FASTK: variants seen among roughly 807,000 people sequenced by gnomAD.
The protein encoded by FASTK is Fas activated serine/threonine kinase.
In FASTK, 28 loss-of-function variants were observed where a neutral mutation model predicts 60.0. That is an observed-to-expected ratio of 0.47 (90% confidence interval 0.35 to 0.64). FASTK has a LOEUF of 0.64. FASTK is among the 30% of genes least tolerant of loss of function. The probability of loss-of-function intolerance (pLI) is 0.01; values close to 1 mark genes in which losing one functional copy is unlikely to be tolerated. For missense variants in FASTK, 595 were observed against 713.8 expected (o/e 0.83, Z 1.90); for synonymous variants, 325 against 307.9 (o/e 1.06, Z -0.58).
At chr7:151,079,249 A>G (rs1563383039) in intron 2 of FASTK, 1 of 584,024 alleles carries the variant, frequency 1.7e-6, no homozygotes. Flanking sequence ...CTTTCATCTC[A>G]TACCAATTGT....
At chr7:151,079,128 C>G in intron 2 of FASTK, 107 bp from the exon 3 acceptor site, 1 of 1,056,898 alleles carries the variant, frequency 9.5e-7, no homozygotes. Flanking sequence ...GTTTCCTGAG[C>G]GGGAAGGTGT....
In FASTK at chr7:151,077,922, G is replaced by A. The variant is rs1797759604; in HGVS notation, c.996C>T (p.Ala332=). The change falls in exon 5 of 10, where the codon GCC becomes GCT. Residue 332 remains alanine (A), a synonymous_variant. Coordinates refer to ENST00000297532, the MANE Select transcript of FASTK (RefSeq NM_006712.5). ...LCQLRCLPFR[A]LHFVFSPGFI... is the part of the protein sequence containing the mutation. Reference sequence around the variant, plus strand: ...AGCCAGGGGAAAAAACAAAGTGCAGGGCTCTGAAGGGCAGGCACCGCAGTT... The same window carrying A: ...AGCCAGGGGAAAAAACAAAGTGCAGAGCTCTGAAGGGCAGGCACCGCAGTT... The A allele has an allele frequency of 6.2e-7, 1 of 1,613,770 alleles. No homozygotes were observed. Among genetic ancestry groups the A allele is most frequent in the Admixed American group, 1.7e-5 (1 of 60,002 alleles).
intron 2 of FASTK, 24 bp downstream of exon 2, chr7:151,079,476 C>T: frequency 1.9e-6 from 3 of 1,552,184 alleles, no homozygotes; most frequent in Non-Finnish European, 2.6e-6. Context: ...GCCCCCCAGG[C>T]GCCCACCTCA....
rs771062423 is a variant in FASTK at position 151,079,635 on chromosome 7, G to A, written c.370C>T (p.Leu124Phe). 1.2e-6 allele frequency: 2 copies of A among 1,613,650 alleles called. No individual in the cohort carries two copies. Among genetic ancestry groups the A allele is most frequent in the South Asian group, 2.2e-5 (2 of 91,074 alleles). Residue 124 changes from leucine to phenylalanine, a missense_variant, in exon 2 of 10, where the codon CTC becomes TTC. Physicochemically the swap from Leu to Phe is conservative, Grantham distance 22. Coordinates refer to ENST00000297532, the MANE Select transcript of FASTK (RefSeq NM_006712.5). The part of the protein sequence containing the change: ...YSVALRRLGQ[L>F]LGSRPRPPPV... ...GGGGGCCGTGGCCGAGACCCCAAGA[G>A]CTGGCCCAGACGACGAAGCGCCACC...
chr7:151,078,565 G>A lies in FASTK; in HGVS notation c.822C>T (p.Ser274=). 3 of 1,612,994 alleles carry A rather than the reference G, an allele frequency of 1.9e-6. No individual in the cohort carries two copies. Among genetic ancestry groups the A allele is most frequent in the Non-Finnish European group, 2.5e-6 (3 of 1,179,358 alleles). The part of the protein sequence containing the change: ...FLVVQETQLS[S]KVVQKLVLPF... ...GGAGGGTGGGTGGCAAGCCCACCTT[G>A]CTGCTGAGTTGCGTTTCCTGAACCA... The change falls in exon 4 of 10, where the codon AGC becomes AGT. Residue 274 remains serine, a synonymous_variant. Transcript: ENST00000297532.
At position 151,079,513 on chromosome 7, in the gene FASTK, A is replaced by G; in HGVS notation, c.492T>C (p.Leu164=). The G allele has an allele frequency of 6.3e-7, 1 of 1,598,564 alleles. No homozygotes were observed. Among genetic ancestry groups the G allele is most frequent in the South Asian group, 1.1e-5 (1 of 89,820 alleles). The change falls in exon 2 of 10, where the codon CTT becomes CTC. Residue 164 remains leucine (L), a synonymous_variant. Transcript: ENST00000297532. Reference sequence around the variant, plus strand: ...GCCCCTCCTCACCAAGTAAGACTGCAAGGTGCAGACACACGTGGATGGTGT... The same window carrying G: ...GCCCCTCCTCACCAAGTAAGACTGCGAGGTGCAGACACACGTGGATGGTGT... The part of the protein sequence containing the change: ...DIHTIHVCLH[L]AVLLGFPSDG...
intron 2 of FASTK, 107 bp from the exon 3 acceptor site, chr7:151,079,128 C>A: frequency 7.6e-6 from 8 of 1,056,898 alleles, no homozygotes; most frequent in Non-Finnish European, 1.0e-5. Flanking sequence ...GTTTCCTGAG[C>A]GGGAAGGTGT....
At position 151,080,689 on chromosome 7, in the gene FASTK, C is replaced by T. The variant is rs886884846; in HGVS notation, c.78G>A (p.Glu26=). 9 of 1,428,092 alleles carry T rather than the reference C, an allele frequency of 6.3e-6. No homozygotes were observed. The African/African-American group carries it at 1.0e-4, about 17-fold the overall frequency. 88.5% of individuals were successfully genotyped at this position (1,428,092 alleles called of 1,614,324 possible). A position where few individuals can be genotyped will look rare whatever the true frequency, so the allele number is the denominator to read the frequency against. ...TEGATCAGPG[E]SWSPSPNSML... Reference sequence around the variant, plus strand: ...CCCCGCAGGCGCCACCCCTACATGACTCCCCGGGCCCTGCGCAGGTCGCTC... The same window carrying T: ...CCCCGCAGGCGCCACCCCTACATGATTCCCCGGGCCCTGCGCAGGTCGCTC... Residue 26 remains glutamate (E), a synonymous_variant, in exon 1 of 10, where the codon GAG becomes GAA. Coordinates refer to ENST00000297532, the MANE Select transcript of FASTK (RefSeq NM_006712.5).
rs751439514 is a variant in FASTK, at chr7:151,078,608, G to C, written c.779C>G (p.Ala260Gly). 55 of 1,613,566 alleles carry C rather than the reference G, an allele frequency of 3.4e-5. No individual in the cohort carries two copies. In the Admixed American group the frequency reaches 9.0e-4, roughly 26 times the overall value. Residue 260 changes from alanine to glycine, a missense_variant, in exon 4 of 10, where the codon GCC becomes GGC. By Grantham distance (60) the Ala-to-Gly change is moderately conservative (BLOSUM62 0). This residue lies in a region of FASTK where 471 missense variants were observed against 605.9 expected (regional missense o/e 0.78). Coordinates refer to ENST00000297532, the MANE Select transcript of FASTK (RefSeq NM_006712.5). ...HRLREPQLLE[A>G]IAHFLVVQET... is the part of the protein sequence containing the mutation. ...CTGAACCACCAGGAAGTGGGCAATG[G>C]CTTCCAGAAGCTGGGGCTCCCGCAA...
intron 1 of FASTK, 197 bp from the exon 2 acceptor site, chr7:151,080,119 TCAGCGCAG>T: frequency 3.4e-6 from 2 of 588,712 alleles, no homozygotes; most frequent in East Asian, 5.7e-5. Context: ...CTCAGTGCGC[TCAGCGCAG>T]CACTACTTGC....
At position 151,079,029 on chromosome 7, in the gene FASTK, G is replaced by A. The variant is rs1221892061; in HGVS notation, c.506-8C>T. The A allele has an allele frequency of 3.4e-6, 5 of 1,455,014 alleles. No homozygotes were observed. The highest frequency in any genetic ancestry group is 4.5e-6 in the Non-Finnish European group (5 of 1,103,976). 90.1% of individuals were successfully genotyped at this position (1,455,014 alleles called of 1,614,324 possible). A position where few individuals can be genotyped will look rare whatever the true frequency, so the allele number is the denominator to read the frequency against. ...GACCATCAGATGGAAAGCCTGAGGG[G>A]GAGAGGTAAAAGGCAGCCTGGTAAC... is the stretch of plus-strand genomic sequence containing the variant. On this transcript the variant is annotated splice_region_variant and splice_polypyrimidine_tract_variant and intron_variant, in intron 2 of 9. Transcript: ENST00000297532.
At chr7:151,080,630 C>T in intron 1 of FASTK, 55 bp downstream of exon 1, 12 of 1,400,602 alleles carry the variant, frequency 8.6e-6, no homozygotes, top group Non-Finnish European at 1.1e-5. Flanking sequence ...GCCGCTGCCG[C>T]TAACACCAGC....
In FASTK at chr7:151,077,112, G is replaced by A. The variant is rs751459242; in HGVS notation, c.1416C>T (p.Asp472=). 4.7e-5 allele frequency: 75 copies of A among 1,610,674 alleles called. No individual in the cohort carries two copies. In the South Asian group the frequency reaches 8.2e-4, roughly 18 times the overall value. The change falls in exon 8 of 10, where the codon GAC becomes GAT. Residue 472 remains aspartate (D), a synonymous_variant. Transcript: ENST00000297532. The part of the protein sequence containing the change: ...GQAASSATTR[D]PAQRVVLVLR... Reference sequence around the variant, plus strand: ...CCTGCCTCCTTTACCTCTGGGCAGGGTCTCGAGTAGTGGCGCTAGAGGCAG... The same window carrying A: ...CCTGCCTCCTTTACCTCTGGGCAGGATCTCGAGTAGTGGCGCTAGAGGCAG...
Position 151,077,763 on chromosome 7 carries a change from T to C in FASTK, c.1057A>G (p.Ile353Val). ...NYISGTPHAL[I>V]VRRYLSLLDT... ...AGCAGGGAGAGGTAGCGACGCACAA[T>C]CAGAGCATGAGGGGTGCCTGTGGGG... The change falls in exon 6 of 10, where the codon ATT becomes GTT. Residue 353 changes from isoleucine (I) to valine (V), a missense_variant. Ile to Val is a conservative substitution (Grantham distance 29, BLOSUM62 3). Transcript: ENST00000297532. 1 of 1,598,012 alleles carries C rather than the reference T, an allele frequency of 6.3e-7. No homozygotes were observed. The highest frequency in any genetic ancestry group is 8.5e-7 in the Non-Finnish European group (1 of 1,170,170).
At chr7:151,079,453 T>C (rs780417656) in intron 2 of FASTK, 47 bp downstream of exon 2, 1 of 1,521,888 alleles carries the variant, frequency 6.6e-7, no homozygotes, top group Non-Finnish European at 8.8e-7. Flanking sequence ...TCCCTATTCT[T>C]CATTAACACC....
At position 151,077,733 on chromosome 7, in the gene FASTK, T is replaced by G; in HGVS notation, c.1087A>C (p.Thr363Pro). The stretch of plus-strand genomic sequence containing the variant: ...CCTGGGAGCTCCAGCTCCACGGCCG[T>G]GTCCAGCAGGGAGAGGTAGCGACGC... The part of the protein sequence containing the change: ...IVRRYLSLLD[T>P]AVELELPGYR... The change falls in exon 6 of 10, where the codon ACG becomes CCG. Residue 363 changes from threonine to proline, a missense_variant. Physicochemically the swap from Thr to Pro is conservative, Grantham distance 38. Coordinates refer to ENST00000297532, the MANE Select transcript of FASTK (RefSeq NM_006712.5). The G allele has an allele frequency of 1.3e-6, 2 of 1,595,084 alleles. No individual in the cohort carries two copies. The highest frequency in any genetic ancestry group is 1.7e-6 in the Non-Finnish European group (2 of 1,170,240).
rs1379632005 is a variant in FASTK, at chr7:151,078,942, A to AG, written c.584dup (p.Leu196PhefsTer106). On this transcript the variant is annotated frameshift_variant, in exon 3 of 10. Transcript: ENST00000297532. LOFTEE classifies it high-confidence loss of function. ...GCCCACCTCGGAGAAGGGGCTGCAA[A>AG]GGGGGAGGTGGCTTCGGAGGGAGGC... 3 of 1,570,372 alleles carry AG rather than the reference A, an allele frequency of 1.9e-6. No individual in the cohort carries two copies.
Position 151,079,560 on chromosome 7 carries a change from T to G in FASTK, c.445A>C (p.Asn149His), listed in dbSNP as rs761733889. 1.2e-6 allele frequency: 2 copies of G among 1,613,648 alleles called. No individual in the cohort carries two copies. Among genetic ancestry groups the G allele is most frequent in the East Asian group, 4.5e-5 (2 of 44,870 alleles). ...GTGTGAATGTCAAAGGAGGGGCAGT[T>G]TCGGATGATGAGCTGACTCAAGTCC... The part of the protein sequence containing the change: ...LQDLSQLIIR[N>H]CPSFDIHTIH... Residue 149 changes from asparagine (N) to histidine (H), a missense_variant, in exon 2 of 10, where the codon AAC becomes CAC. Coordinates refer to ENST00000297532, the MANE Select transcript of FASTK (RefSeq NM_006712.5).
rs1261296998 is a variant in FASTK at position 151,078,166 on chromosome 7, G to A, written c.826-74C>T. 5 of 1,177,176 alleles carry A rather than the reference G, an allele frequency of 4.2e-6. No individual in the cohort carries two copies. In the Admixed American group the frequency reaches 6.4e-5, roughly 15 times the overall value. 72.9% of individuals were successfully genotyped at this position (1,177,176 alleles called of 1,614,324 possible). On this transcript the variant is annotated intron_variant, in intron 4 of 9. Coordinates refer to ENST00000297532, the MANE Select transcript of FASTK (RefSeq NM_006712.5). ...CATCTTTTACAAGCTAAGCCTTAGA[G>A]AGGCTTAGCCCTCAGGTTTACAACA...
Sources: allele counts gnomAD v4.1 joint callset, GRCh38; gene constraint gnomAD v4.1.1; regional missense constraint gnomAD v4.1.1; transcripts MANE v1.5; gene names NCBI Gene and HGNC (gene_info 2026-07-23, HGNC 2026-07-21).